Variants in SPOCK3 observed in about 807,000 individuals in gnomAD.
The protein encoded by SPOCK3 is SPARC (osteonectin), cwcv and kazal like domains proteoglycan 3, also known as testican-3.
In SPOCK3, 30 loss-of-function variants were observed where a neutral mutation model predicts 56.6. That is an observed-to-expected ratio of 0.53 (90% CI 0.40 to 0.72). The LOEUF is 0.72. SPOCK3 is among the 30% of genes least tolerant of loss of function. The probability of loss-of-function intolerance (pLI) is 0.00; values close to 1 mark genes in which losing one functional copy is unlikely to be tolerated. For synonymous variants in SPOCK3, 196 were observed against 183.3 expected (o/e 1.07, Z -0.56); for missense variants, 527 against 530.0 (o/e 0.99, Z 0.06).
chr4:166,992,814 T>TA (rs1044601288), intron 4 of SPOCK3, among the ~76,000 whole-genome samples: 1 of 20,886 alleles, frequency 4.8e-5, no homozygotes, highest in Non-Finnish European at 3.4e-4. Flanking sequence ...TCCTTTGCTG[T>TA]ACTTTTTCCC....
chr4:166,951,448 C>T (rs1465475688), intron 4 of SPOCK3, among the ~76,000 whole-genome samples: 1 of 141,920 alleles, frequency 7.0e-6, no homozygotes, highest in Non-Finnish European at 1.5e-5. Flanking sequence ...CAATAGCTTA[C>T]CAACAAAAAA....
At chr4:166,783,317 C>A (rs2126624542) in intron 7 of SPOCK3, among the ~76,000 whole-genome samples, 1 of 152,072 alleles carries the variant, frequency 6.6e-6, no homozygotes, top group East Asian at 1.9e-4. Context: ...TGAGATCATG[C>A]CACTGCACTC....
At chr4:167,054,881 G>C (rs1005084727) in intron 3 of SPOCK3, among the ~76,000 whole-genome samples, 1 of 152,036 alleles carries the variant, frequency 6.6e-6, no homozygotes, top group Non-Finnish European at 1.5e-5. Context: ...ATATGTAATC[G>C]ATATGTTTAT....
chr4:166,964,156 G>T (rs964568766), intron 4 of SPOCK3, among the ~76,000 whole-genome samples: 2 of 150,902 alleles, frequency 1.3e-5, no homozygotes, highest in South Asian at 2.1e-4. Flanking sequence ...TTAATTAAAG[G>T]ATAAACAGTC....
Position 167,212,282 on chromosome 4 carries a change from C to T in SPOCK3, c.189+21703G>A, listed in dbSNP as rs561790091. The stretch of plus-strand genomic sequence containing the variant: ...AACAGAGTTTCTTTCACTCTTGTTG[C>T]CCAGGCTGGAGTACAATGGTGTGAT... On this transcript the variant is annotated intron_variant, in intron 2 of 10. Transcript: ENST00000357545. 3.3e-5 allele frequency among the ~76,000 whole-genome samples: 5 copies of T among 151,818 alleles called. No individual in the cohort carries two copies. The South Asian group carries it at 8.3e-4, about 25-fold the overall frequency.
chr4:167,064,921 T>C (rs1755957555), intron 2 of SPOCK3, among the ~76,000 whole-genome samples: 1 of 150,870 alleles, frequency 6.6e-6, no homozygotes, highest in Non-Finnish European at 1.5e-5. Context: ...GTCAGTGTCT[T>C]TGGGCAACAC....
At chr4:166,765,127 C>G (rs1004550752) in intron 7 of SPOCK3, among the ~76,000 whole-genome samples, 1 of 152,068 alleles carries the variant, frequency 6.6e-6, no homozygotes, top group Non-Finnish European at 1.5e-5. Context: ...AATTTTCTCC[C>G]ATTCTGTAGG....
intron 2 of SPOCK3, among the ~76,000 whole-genome samples, chr4:167,074,390 C>G (rs922157143): frequency 3.3e-5 from 5 of 151,918 alleles, no homozygotes; most frequent in African/African-American, 9.7e-5. Flanking sequence ...GCCTACTCTT[C>G]TGAAGTCTTG....
intron 2 of SPOCK3, among the ~76,000 whole-genome samples, chr4:167,121,180 T>C (rs1241425599): frequency 1.3e-5 from 2 of 151,092 alleles, no homozygotes; most frequent in African/African-American, 4.8e-5. Context: ...ATATAATTTA[T>C]ATAAATTCAT....
intron 3 of SPOCK3, among the ~76,000 whole-genome samples, chr4:167,032,808 C>T (rs1041941240): frequency 6.6e-6 from 1 of 151,790 alleles, no homozygotes; most frequent in Non-Finnish European, 1.5e-5. Context: ...AAATTATAAG[C>T]TGCATTTCTA....
intron 6 of SPOCK3, among the ~76,000 whole-genome samples, chr4:166,874,652 G>A (rs994724849): frequency 6.6e-6 from 1 of 152,130 alleles, no homozygotes; most frequent in Admixed American, 6.6e-5. Context: ...ACAACTGTGA[G>A]TTTAAATACA....
intron 4 of SPOCK3, among the ~76,000 whole-genome samples, chr4:166,993,532 A>G (rs139955946): frequency 3.5e-4 from 54 of 152,288 alleles, no homozygotes; most frequent in East Asian, 3.5e-3. Flanking sequence ...CACATTTTCT[A>G]TAACACAATG....
At chr4:166,997,121 T>A (rs1748463831) in intron 4 of SPOCK3, among the ~76,000 whole-genome samples, 1 of 151,638 alleles carries the variant, frequency 6.6e-6, no homozygotes. Flanking sequence ...GAGAACACAT[T>A]GACACAGGGA....
intron 4 of SPOCK3, among the ~76,000 whole-genome samples, chr4:166,915,229 G>A (rs1469307397): frequency 3.9e-5 from 6 of 152,006 alleles, no homozygotes; most frequent in Non-Finnish European, 8.8e-5. Flanking sequence ...TAGATGATGA[G>A]TTGATAGGTG....
At chr4:166,802,754 A>G (rs1742749172) in intron 6 of SPOCK3, among the ~76,000 whole-genome samples, 1 of 152,170 alleles carries the variant, frequency 6.6e-6, no homozygotes. Flanking sequence ...GAAAATCTAA[A>G]GCAGGATATA....
At chr4:166,974,391 T>C (rs1025273943) in intron 4 of SPOCK3, among the ~76,000 whole-genome samples, 1 of 152,184 alleles carries the variant, frequency 6.6e-6, no homozygotes, top group African/African-American at 2.4e-5. Context: ...AATACTTCAA[T>C]AATTTTCAAA....
At chr4:166,947,014 T>A (rs560435989) in intron 4 of SPOCK3, among the ~76,000 whole-genome samples, 1 of 152,306 alleles carries the variant, frequency 6.6e-6, no homozygotes, top group South Asian at 2.1e-4. Flanking sequence ...ACTTAAAATG[T>A]ATCCTAAAAT....
At chr4:167,051,032 T>C (rs1007597830) in intron 3 of SPOCK3, among the ~76,000 whole-genome samples, 4 of 152,180 alleles carry the variant, frequency 2.6e-5, no homozygotes, top group Non-Finnish European at 5.9e-5. Flanking sequence ...GATATGAATG[T>C]ACCTAATGCC....
intron 2 of SPOCK3, among the ~76,000 whole-genome samples, chr4:167,134,253 G>C (rs892266924): frequency 6.6e-6 from 1 of 151,586 alleles, no homozygotes; most frequent in African/African-American, 2.4e-5. Flanking sequence ...GGCTGGTCTT[G>C]AACTCCTGAC....
Sources: allele counts gnomAD v4.1 joint callset (sites outside exome capture counted in the v4.1 genomes callset), GRCh38; gene constraint gnomAD v4.1.1; transcripts MANE v1.5; gene names NCBI Gene and HGNC (gene_info 2026-07-23, HGNC 2026-07-21).